Variants in CNTNAP2 observed in about 807,000 individuals in gnomAD.
The protein encoded by CNTNAP2 is contactin associated protein 2, also known as contactin-associated protein-like 2.
CNTNAP2 carries 98 observed loss-of-function variants against 155.2 expected under a neutral mutation model. The ratio of observed to expected loss-of-function variants is 0.63; its 90% CI spans 0.54 to 0.75. The LOEUF (loss-of-function observed/expected upper bound fraction) is 0.75, where lower values mean the gene tolerates loss of function less well. Among genes scored for constraint, CNTNAP2 ranks in the 30% least tolerant of loss-of-function variants. CNTNAP2 has a pLI of 0.00. For missense variants in CNTNAP2, 1,727 were observed against 1,688.1 expected (o/e 1.02, Z -0.40); for synonymous variants, 651 against 631.2 (o/e 1.03, Z -0.47).
intron 1 of CNTNAP2, among the ~76,000 whole-genome samples, chr7:146,263,192 G>C (rs756740382): frequency 6.6e-6 from 1 of 151,162 alleles, no homozygotes; most frequent in South Asian, 2.1e-4. Context: ...GGTGACGTGC[G>C]CCTGTGATCC....
At chr7:146,568,068 A>G (rs984210598) in intron 1 of CNTNAP2, among the ~76,000 whole-genome samples, 1 of 152,208 alleles carries the variant, frequency 6.6e-6, no homozygotes, top group Non-Finnish European at 1.5e-5. Context: ...CTATGTTGGC[A>G]CATAGTATGA....
chr7:148,162,684 C>A (rs540685813), intron 17 of CNTNAP2, among the ~76,000 whole-genome samples: 1 of 152,210 alleles, frequency 6.6e-6, no homozygotes, highest in South Asian at 2.1e-4. Context: ...TCAGCTTCAG[C>A]CATCCTTGTA....
intron 3 of CNTNAP2, among the ~76,000 whole-genome samples, chr7:146,902,319 G>T (rs1796020968): frequency 6.6e-6 from 1 of 152,082 alleles, no homozygotes; most frequent in African/African-American, 2.4e-5. Context: ...TGAATCTAAA[G>T]AATGCAGTGC....
At chr7:148,080,825 C>T (rs762733491) in intron 15 of CNTNAP2, among the ~76,000 whole-genome samples, 1 of 152,016 alleles carries the variant, frequency 6.6e-6, no homozygotes, top group Non-Finnish European at 1.5e-5. Context: ...TGTCAACATA[C>T]GTGGGGATCT....
At chr7:147,129,231 C>G (rs900194657) in intron 7 of CNTNAP2, among the ~76,000 whole-genome samples, 6 of 152,144 alleles carry the variant, frequency 3.9e-5, no homozygotes, top group Admixed American at 1.3e-4. Context: ...GTTTTTAAAT[C>G]AGGGACTTTA....
chr7:146,460,747 C>T (rs1199609153), intron 1 of CNTNAP2, among the ~76,000 whole-genome samples: 2 of 152,124 alleles, frequency 1.3e-5, no homozygotes, highest in East Asian at 3.9e-4. Flanking sequence ...CTGCATCTCA[C>T]TTACATGCAG....
chr7:146,461,022 G>C (rs778192374), intron 1 of CNTNAP2, among the ~76,000 whole-genome samples: 3 of 152,102 alleles, frequency 2.0e-5, no homozygotes, highest in Non-Finnish European at 4.4e-5. Flanking sequence ...TATGTTACTT[G>C]GGTGGACTTA....
At chr7:146,551,028 A>G (rs992965836) in intron 1 of CNTNAP2, among the ~76,000 whole-genome samples, 4 of 152,100 alleles carry the variant, frequency 2.6e-5, no homozygotes, top group African/African-American at 9.7e-5. Flanking sequence ...GTGATTTGGT[A>G]ACGTAAATAT....
At chr7:146,376,731 C>A (rs1795309378) in intron 1 of CNTNAP2, among the ~76,000 whole-genome samples, 1 of 152,040 alleles carries the variant, frequency 6.6e-6, no homozygotes, top group South Asian at 2.1e-4. Flanking sequence ...AACCAAAGAC[C>A]CAATTTGATA....
rs1343399837 is a variant in CNTNAP2, at chr7:147,639,218, C to A, written c.2010C>A (p.Asp670Glu). The A allele has an allele frequency of 6.2e-7, 1 of 1,614,096 alleles. No individual in the cohort carries two copies. The highest frequency in any genetic ancestry group is 1.7e-5 in the Admixed American group (1 of 60,010). ...AGCTCGTTTACAGCGCCTCCATGGA[C>A]CAGATAAGTGCCATCACTGACAGTG... The part of the protein sequence containing the change: ...VTQLVYSASM[D>E]QISAITDSAE... The change falls in exon 13 of 24, where the codon GAC (aspartate) becomes GAA (glutamate). Residue 670 changes from aspartate to glutamate, a missense_variant. By Grantham distance (45) the Asp-to-Glu change is conservative. Coordinates refer to ENST00000361727, the MANE Select transcript of CNTNAP2 (RefSeq NM_014141.6).
chr7:147,560,524 A>G (rs992061038), intron 11 of CNTNAP2, among the ~76,000 whole-genome samples: 1 of 152,180 alleles, frequency 6.6e-6, no homozygotes, highest in African/African-American at 2.4e-5. Flanking sequence ...GAAAGTGGGC[A>G]TATTAATAAT....
intron 3 of CNTNAP2, among the ~76,000 whole-genome samples, chr7:146,947,560 TATATATATATATATAC>T (rs1228145849): frequency 0.017 from 446 of 26,202 alleles, 5 homozygotes; most frequent in African/African-American, 0.037. Context: ...TGTGTGTGTA[TATATATATATATATAC>T]ATATATATAT....
At chr7:148,393,738 A>G (rs1799405822) in intron 22 of CNTNAP2, among the ~76,000 whole-genome samples, 1 of 152,298 alleles carries the variant, frequency 6.6e-6, no homozygotes, top group East Asian at 1.9e-4. Flanking sequence ...ACAGTGCATC[A>G]TATTATTCTT....
chr7:147,440,610 T>C (rs1170097355), intron 10 of CNTNAP2, among the ~76,000 whole-genome samples: 1 of 152,198 alleles, frequency 6.6e-6, no homozygotes, highest in South Asian at 2.1e-4. Flanking sequence ...TTCTTTCTGA[T>C]TGAAGAACTC....
chr7:146,291,467 A>G (rs575693320), intron 1 of CNTNAP2, among the ~76,000 whole-genome samples: 15 of 152,182 alleles, frequency 9.9e-5, no homozygotes, highest in Non-Finnish European at 1.9e-4. Context: ...TGTGTTGTCT[A>G]TGTTACTTTG....
chr7:148,132,808 T>TCCAA (rs1804860511), intron 16 of CNTNAP2, among the ~76,000 whole-genome samples: 1 of 152,222 alleles, frequency 6.6e-6, no homozygotes, highest in Admixed American at 6.5e-5. Context: ...TCTCCAACAT[T>TCCAA]CATAGGAGCA....
At chr7:147,093,668 A>T (rs1488793668) in intron 4 of CNTNAP2, among the ~76,000 whole-genome samples, 1 of 152,134 alleles carries the variant, frequency 6.6e-6, no homozygotes, top group Non-Finnish European at 1.5e-5. Flanking sequence ...AAATGCGTTT[A>T]TTCCATCTCA....
intron 9 of CNTNAP2, among the ~76,000 whole-genome samples, chr7:147,332,316 A>G (rs1795584523): frequency 6.6e-6 from 1 of 152,214 alleles, no homozygotes; most frequent in South Asian, 2.1e-4. Flanking sequence ...AAAACATTCT[A>G]TAAGTGTTTT....
intron 4 of CNTNAP2, among the ~76,000 whole-genome samples, chr7:147,098,510 G>A (rs1443728022): frequency 6.6e-6 from 1 of 152,180 alleles, no homozygotes; most frequent in Non-Finnish European, 1.5e-5. Context: ...TGTTATGGAT[G>A]TAGAAGATAC....
Sources: gnomAD v4.1 joint callset for allele counts (sites outside exome capture counted in the v4.1 genomes callset) on GRCh38, gnomAD v4.1.1 for gene constraint, MANE v1.5 for transcripts, NCBI Gene and HGNC (gene_info 2026-07-23, HGNC 2026-07-21) for gene names.